SND1: variants seen among roughly 807,000 people sequenced by gnomAD.
SND1 encodes staphylococcal nuclease domain-containing protein 1.
SND1 carries 38 observed loss-of-function variants against 121.7 expected under a neutral mutation model. That is an observed-to-expected ratio of 0.31 (90% confidence interval 0.24 to 0.41). SND1 has a LOEUF of 0.41. Ranked by LOEUF, SND1 falls within the 10% of genes least tolerant of loss-of-function variation. SND1 has a pLI of 1.00. For missense variants in SND1, 868 were observed against 1,184.6 expected (o/e 0.73, Z 3.92); for synonymous variants, 401 against 447.4 (o/e 0.90, Z 1.31).
In SND1 at chr7:127,702,331, G is replaced by A. The variant is rs1796119224; in HGVS notation, c.590-104G>A. 3.0e-6 allele frequency: 3 copies of A among 999,542 alleles called. No homozygotes were observed. In the South Asian group the frequency reaches 3.9e-5, roughly 13 times the overall value. 61.9% of individuals were successfully genotyped at this position (999,542 alleles called of 1,614,324 possible). On this transcript the variant is annotated intron_variant, in intron 5 of 23. Transcript: ENST00000354725. ...ACTTTTCAGAGGGAGGCTTTCTCAGGGTTTTTGGGGAGAGGAAACTGTGTT... is the reference window on the plus strand; with the variant it reads ...ACTTTTCAGAGGGAGGCTTTCTCAGAGTTTTTGGGGAGAGGAAACTGTGTT...
At chr7:127,829,661 C>A (rs1217110656) in intron 11 of SND1, among the ~76,000 whole-genome samples, 1 of 152,084 alleles carries the variant, frequency 6.6e-6, no homozygotes, top group Non-Finnish European at 1.5e-5. Flanking sequence ...AAAAGTACAC[C>A]GTAGTGGATA....
chr7:127,850,540 A>G (rs961469667), intron 12 of SND1, among the ~76,000 whole-genome samples: 10 of 152,158 alleles, frequency 6.6e-5, no homozygotes, highest in Non-Finnish European at 1.5e-4. Context: ...TTGATGACTT[A>G]CGCTTTAATC....
chr7:127,813,071 T>G (rs1798362310), intron 11 of SND1, among the ~76,000 whole-genome samples: 1 of 152,218 alleles, frequency 6.6e-6, no homozygotes, highest in South Asian at 2.1e-4. Flanking sequence ...TGTCCTTGCC[T>G]CCTCAGTGCC....
intron 10 of SND1, among the ~76,000 whole-genome samples, chr7:127,778,114 T>G (rs1285735661): frequency 6.6e-6 from 1 of 152,202 alleles, no homozygotes; most frequent in Admixed American, 6.5e-5. Context: ...ACCTTCCATC[T>G]AGAGTTTCAA....
chr7:127,721,687 G>C (rs1261095805), intron 10 of SND1, among the ~76,000 whole-genome samples: 1 of 152,154 alleles, frequency 6.6e-6, no homozygotes, highest in Admixed American at 6.5e-5. Context: ...TGAGATGGTG[G>C]ATGAGTTTAA....
chr7:127,720,293 T>TA (rs1250544852), intron 9 of SND1, among the ~76,000 whole-genome samples: 5 of 152,216 alleles, frequency 3.3e-5, no homozygotes, highest in Non-Finnish European at 7.4e-5. Context: ...TGGTAGCTCT[T>TA]AAAGAGGCCC....
At chr7:127,957,301 C>G (rs1263816806) in intron 15 of SND1, among the ~76,000 whole-genome samples, 1 of 152,174 alleles carries the variant, frequency 6.6e-6, no homozygotes, top group African/African-American at 2.4e-5. Context: ...AACTAGTGTC[C>G]TCTCCTGTAG....
At chr7:128,076,113 C>T (rs1248188828) in intron 17 of SND1, among the ~76,000 whole-genome samples, 1 of 152,190 alleles carries the variant, frequency 6.6e-6, no homozygotes, top group African/African-American at 2.4e-5. Flanking sequence ...CTGGAAGCCA[C>T]CTTTTCAGAG....
chr7:128,024,511 T>C (rs1803431164), intron 16 of SND1, among the ~76,000 whole-genome samples: 1 of 152,172 alleles, frequency 6.6e-6, no homozygotes, highest in Non-Finnish European at 1.5e-5. Flanking sequence ...CTTAGCCCTC[T>C]CCCAGTCTCT....
chr7:127,906,383 T>C (rs1800340709), intron 14 of SND1, among the ~76,000 whole-genome samples: 1 of 152,214 alleles, frequency 6.6e-6, no homozygotes, highest in Non-Finnish European at 1.5e-5. Context: ...TGAGTTATTC[T>C]TTGCATATAT....
At chr7:127,967,759 C>A (rs1442585956) in intron 15 of SND1, among the ~76,000 whole-genome samples, 1 of 152,192 alleles carries the variant, frequency 6.6e-6, no homozygotes, top group Non-Finnish European at 1.5e-5. Context: ...ACTATAGTTG[C>A]TAAAAAATAT....
intron 15 of SND1, among the ~76,000 whole-genome samples, chr7:127,956,544 C>T (rs1801597300): frequency 6.6e-6 from 1 of 152,150 alleles, no homozygotes; most frequent in South Asian, 2.1e-4. Flanking sequence ...AAAGAGGAGA[C>T]AGGGCTAGAG....
At chr7:127,877,716 A>T (rs1197092166) in intron 12 of SND1, among the ~76,000 whole-genome samples, 3 of 152,042 alleles carry the variant, frequency 2.0e-5, no homozygotes, top group Admixed American at 2.0e-4. Flanking sequence ...TACAGACATG[A>T]GCTACCGCGT....
At position 128,083,481 on chromosome 7, in the gene SND1, G is replaced by A. The variant is rs895599489; in HGVS notation, c.2111-1243G>A. Reference sequence around the variant, plus strand: ...GGATGCAGGACCAGTGGCCTCTGCAGCAGCTTAAGAGTGGACATACATCCC... The same window carrying A: ...GGATGCAGGACCAGTGGCCTCTGCAACAGCTTAAGAGTGGACATACATCCC... On this transcript the variant is annotated intron_variant, in intron 18 of 23. Transcript: ENST00000354725. Among the ~76,000 whole-genome samples the A allele has an allele frequency of 3.3e-5, 5 of 152,254 alleles. No individual in the cohort carries two copies. The South Asian group carries it at 6.2e-4, about 19-fold the overall frequency.
intron 16 of SND1, among the ~76,000 whole-genome samples, chr7:128,068,240 A>C (rs1426743367): frequency 6.7e-6 from 1 of 149,106 alleles, no homozygotes; most frequent in South Asian, 2.2e-4. Context: ...ATGCATGCAC[A>C]TGCTCACTCT....
intron 13 of SND1, chr7:127,904,348 A>T (rs1800291726): frequency 1.3e-5 from 2 of 155,572 alleles, no homozygotes; most frequent in Admixed American, 1.3e-4. Context: ...CACTAGCCAC[A>T]TATTTTGCAT....
intron 10 of SND1, among the ~76,000 whole-genome samples, chr7:127,769,759 A>G (rs1476247223): frequency 1.3e-5 from 2 of 152,204 alleles, no homozygotes; most frequent in African/African-American, 4.8e-5. Flanking sequence ...AATTCCATAT[A>G]TATGTTTATA....
rs539085079 is a variant in SND1 at position 127,860,252 on chromosome 7, T to C, written c.1343+15828T>C. On this transcript the variant is annotated intron_variant, in intron 12 of 23. Coordinates refer to ENST00000354725, the MANE Select transcript of SND1 (RefSeq NM_014390.4). ...TCTCAGGTTCTTGGTAGAGGGGATT[T>C]CAGTGGTGGGAATGTTTATGGGTGA... Among the ~76,000 whole-genome samples the C allele has an allele frequency of 2.1e-3, 317 of 152,316 alleles. 3 individuals carry two copies. Among genetic ancestry groups the C allele is most frequent in the Non-Finnish European group, 3.0e-3 (204 of 68,022 alleles).
At chr7:127,983,017 A>AAT (rs2116904430) in intron 15 of SND1, among the ~76,000 whole-genome samples, 1 of 152,292 alleles carries the variant, frequency 6.6e-6, no homozygotes, top group Non-Finnish European at 1.5e-5. Context: ...TTAAGGAGGG[A>AAT]ATACCTGTCT....
Sources: allele counts gnomAD v4.1 joint callset (sites outside exome capture counted in the v4.1 genomes callset), GRCh38; gene constraint gnomAD v4.1.1; transcripts MANE v1.5; gene names NCBI Gene and HGNC (gene_info 2026-07-23, HGNC 2026-07-21).